Variants in MYO1D observed in about 807,000 individuals in gnomAD.
MYO1D encodes the protein unconventional myosin-Id.
MYO1D carries 83 observed loss-of-function variants against 122.0 expected under a neutral mutation model. The observed-to-expected ratio is 0.68, with a 90% confidence interval of 0.57 to 0.82. The LOEUF is 0.82. Among genes scored for constraint, MYO1D ranks in the 40% least tolerant of loss-of-function variants. The pLI is 0.00. For missense variants in MYO1D, 1,157 were observed against 1,269.5 expected, an observed-to-expected ratio of 0.91 and a Z score of 1.35; for synonymous variants, 464 against 446.9, an observed-to-expected ratio of 1.04 and a Z score of -0.48.
intron 1 of MYO1D, among the ~76,000 whole-genome samples, chr17:32,874,316 T>TGTGTCTCTGTCTCTCTCTC (rs1411392544): frequency 7.3e-5 from 2 of 27,270 alleles, no homozygotes; most frequent in Admixed American, 4.6e-4. Context: ...CTCTCTCTCT[T>TGTGTCTCTGTCTCTCTCTC]TGTGTCTCTG....
intron 20 of MYO1D, among the ~76,000 whole-genome samples, chr17:32,607,233 T>C (rs928116023): frequency 6.6e-6 from 1 of 151,922 alleles, no homozygotes; most frequent in African/African-American, 2.4e-5. Flanking sequence ...GATTACATGA[T>C]TGCCTACATA....
chr17:32,498,703 C>T (rs934558586), intron 21 of MYO1D: 1 of 152,232 alleles, frequency 6.6e-6, no homozygotes, highest in Non-Finnish European at 1.5e-5. Context: ...TCTCGCTTCG[C>T]AGAAGGAATT....
At chr17:32,674,646 T>C (rs1001842225) in intron 16 of MYO1D, among the ~76,000 whole-genome samples, 8 of 152,232 alleles carry the variant, frequency 5.3e-5, no homozygotes, top group Admixed American at 4.6e-4. Flanking sequence ...TTAAGTCATA[T>C]ATAATATTTT....
chr17:32,609,274 G>A (rs1242790504), intron 20 of MYO1D, among the ~76,000 whole-genome samples: 5 of 152,124 alleles, frequency 3.3e-5, no homozygotes, highest in Admixed American at 2.0e-4. Flanking sequence ...ATAAAATACC[G>A]AAGTGCCACC....
chr17:32,867,224 G>A (rs2091134525), intron 1 of MYO1D, among the ~76,000 whole-genome samples: 1 of 151,548 alleles, frequency 6.6e-6, no homozygotes, highest in East Asian at 1.9e-4. Context: ...TACTCGGGAG[G>A]CTGAGGCAGG....
At chr17:32,585,969 A>T (rs1000621068) in intron 21 of MYO1D, among the ~76,000 whole-genome samples, 17 of 152,116 alleles carry the variant, frequency 1.1e-4, no homozygotes, top group Admixed American at 5.9e-4. Context: ...TCAAATATTG[A>T]AGAAAAGGAG....
intron 21 of MYO1D, among the ~76,000 whole-genome samples, chr17:32,562,726 C>T (rs2087137208): frequency 6.6e-6 from 1 of 152,132 alleles, no homozygotes; most frequent in African/African-American, 2.4e-5. Context: ...GCCTCACCTC[C>T]CAAAGTGCTG....
chr17:32,761,045 T>C (rs2089996093), intron 8 of MYO1D, among the ~76,000 whole-genome samples: 1 of 152,138 alleles, frequency 6.6e-6, no homozygotes. Flanking sequence ...AATATAAATA[T>C]TGATTTCTAA....
intron 14 of MYO1D, among the ~76,000 whole-genome samples, chr17:32,723,313 C>A (rs567509382): frequency 8.4e-4 from 128 of 152,266 alleles, no homozygotes; most frequent in African/African-American, 3.0e-3. Context: ...TTATTAGGGA[C>A]CCTGTCCTTT....
At chr17:32,535,494 T>C (rs953187351) in intron 21 of MYO1D, among the ~76,000 whole-genome samples, 4 of 152,222 alleles carry the variant, frequency 2.6e-5, no homozygotes, top group African/African-American at 9.6e-5. Context: ...ACGCCTATAA[T>C]CCCAGCACTT....
intron 16 of MYO1D, among the ~76,000 whole-genome samples, chr17:32,706,703 T>C (rs561759111): frequency 6.6e-6 from 1 of 151,612 alleles, no homozygotes; most frequent in South Asian, 2.1e-4. Flanking sequence ...GATCTATACA[T>C]TTTTTTTTGT....
In MYO1D at chr17:32,765,059, TCTA is replaced by T; in HGVS notation, c.851_853del (p.Val284del). 1 of 1,612,978 alleles carries T rather than the reference TCTA, an allele frequency of 6.2e-7. No homozygotes were observed. Among genetic ancestry groups the T allele is most frequent in the South Asian group, 1.1e-5 (1 of 91,050 alleles). ...ATTCTCAATAAGAGGCGTGTCACCATCTACTACAAATTTTAAATTTCCCTGTAT... is the reference window on the plus strand; with the variant it reads ...ATTCTCAATAAGAGGCGTGTCACCATCTACAAATTTTAAATTTCCCTGTAT... On this transcript the variant is annotated inframe_deletion, in exon 8 of 22. Coordinates refer to ENST00000318217, the MANE Select transcript of MYO1D (RefSeq NM_015194.3).
chr17:32,494,973 C>T, intron 21 of MYO1D, 58 bp from the exon 22 acceptor site: 2 of 1,501,442 alleles, frequency 1.3e-6, no homozygotes. Flanking sequence ...AACAGGGCAC[C>T]TGCCCGGCAG....
chr17:32,781,272 T>C (rs1367359372), intron 1 of MYO1D, among the ~76,000 whole-genome samples: 1 of 152,176 alleles, frequency 6.6e-6, no homozygotes, highest in Admixed American at 6.5e-5. Flanking sequence ...ACAGAGAGAA[T>C]GGTGGAGGAG....
In MYO1D at chr17:32,712,012, TA is replaced by T. The variant is rs758638316; in HGVS notation, c.2096del (p.Ile699LysfsTer27). ...TLEELRAQML[I>X]RIVLFLQKVW... The stretch of plus-strand genomic sequence containing the variant: ...CCTTTTGTAGAAAGAGGACAATCCT[TA>T]TGAGCATCTGGGCACGGAGTTCTTC... On this transcript the variant is annotated frameshift_variant, in exon 16 of 22. Transcript: ENST00000318217. LOFTEE classifies it high-confidence loss of function. 1 of 1,614,080 alleles carries T rather than the reference TA, an allele frequency of 6.2e-7. No individual in the cohort carries two copies. The highest frequency in any genetic ancestry group is 8.5e-7 in the Non-Finnish European group (1 of 1,179,946).
At chr17:32,869,894 T>C (rs1009367617) in intron 1 of MYO1D, among the ~76,000 whole-genome samples, 1 of 151,706 alleles carries the variant, frequency 6.6e-6, no homozygotes, top group African/African-American at 2.4e-5. Flanking sequence ...GATTGTGCCA[T>C]TGCACTCCAG....
chr17:32,746,027 G>A (rs1011536024), intron 12 of MYO1D, among the ~76,000 whole-genome samples: 7 of 152,208 alleles, frequency 4.6e-5, no homozygotes, highest in African/African-American at 1.7e-4. Context: ...AGGAACTTTA[G>A]ACACAGCTAC....
intron 16 of MYO1D, among the ~76,000 whole-genome samples, chr17:32,660,776 T>C (rs1244818966): frequency 6.6e-6 from 1 of 152,236 alleles, no homozygotes; most frequent in Non-Finnish European, 1.5e-5. Context: ...AATGGCTCCC[T>C]TCCTTGTAGC....
chr17:32,807,465 T>C (rs2090526509), intron 1 of MYO1D, among the ~76,000 whole-genome samples: 1 of 152,210 alleles, frequency 6.6e-6, no homozygotes, highest in Admixed American at 6.5e-5. Context: ...TCATATAATC[T>C]GATCTACATG....
Sources: allele counts gnomAD v4.1 joint callset (sites outside exome capture counted in the v4.1 genomes callset), GRCh38; gene constraint gnomAD v4.1.1; transcripts MANE v1.5; gene names NCBI Gene and HGNC (gene_info 2026-07-23, HGNC 2026-07-21).